Variants in ITGB8 observed in about 807,000 individuals in gnomAD.
ITGB8 encodes the protein integrin beta-8.
ITGB8 carries 30 observed loss-of-function variants against 89.5 expected under a neutral mutation model. The ratio of observed to expected loss-of-function variants is 0.34; its 90% CI spans 0.25 to 0.45. The LOEUF is 0.45. ITGB8 is among the 20% of genes least tolerant of loss of function. ITGB8 has a pLI of 1.00. For missense variants in ITGB8, 836 were observed against 933.3 expected, an observed-to-expected ratio of 0.90 and a Z score of 1.36; for synonymous variants, 335 against 320.4, an observed-to-expected ratio of 1.05 and a Z score of -0.49.
At chr7:20,401,412 T>C (rs1180754392) in intron 9 of ITGB8, among the ~76,000 whole-genome samples, 1 of 152,224 alleles carries the variant, frequency 6.6e-6, no homozygotes, top group Non-Finnish European at 1.5e-5. Context: ...TTCTCATGTT[T>C]GCTAAGAAAT....
rs750312968 is a variant in ITGB8, at chr7:20,381,839, G to A, written c.914G>A (p.Gly305Glu). 6.2e-7 allele frequency: 1 copy of A among 1,613,834 alleles called. No individual in the cohort carries two copies. The highest frequency in any genetic ancestry group is 1.3e-5 in the African/African-American group (1 of 75,022). Reference protein sequence around the residue: ...KLAGIVVPNDGNCHLKNNVYV... With the variant: ...KLAGIVVPNDENCHLKNNVYV... ...GCAGGCATAGTGGTGCCCAATGACG[G>A]AAACTGTCATCTGAAAAACAACGTC... The change falls in exon 6 of 14, where the codon GGA becomes GAA. Residue 305 changes from glycine to glutamate, a missense_variant. Physicochemically the swap from Gly to Glu is moderately conservative, Grantham distance 98. This residue lies in a region of ITGB8 where 192 missense variants were observed against 267.1 expected (regional missense o/e 0.72). Transcript: ENST00000222573.
At chr7:20,344,967 G>T (rs1483771345) in intron 1 of ITGB8, among the ~76,000 whole-genome samples, 1 of 152,150 alleles carries the variant, frequency 6.6e-6, no homozygotes, top group Admixed American at 6.5e-5. Flanking sequence ...AGAGAGACAA[G>T]ACATTTGACA....
intron 3 of ITGB8, among the ~76,000 whole-genome samples, chr7:20,370,672 GC>G (rs1240255539): frequency 6.6e-6 from 1 of 151,514 alleles, no homozygotes; most frequent in Non-Finnish European, 1.5e-5. Context: ...ATACAGTGGT[GC>G]GATCTCAGCT....
chr7:20,387,486 A>G (rs1786673711), intron 6 of ITGB8, among the ~76,000 whole-genome samples: 1 of 152,252 alleles, frequency 6.6e-6, no homozygotes, highest in Non-Finnish European at 1.5e-5. Context: ...CCAGTGTCAC[A>G]TAGCTAGTAG....
intron 1 of ITGB8, 137 bp downstream of exon 1, chr7:20,332,070 G>C: frequency 5.5e-6 from 8 of 1,453,132 alleles, no homozygotes; most frequent in Non-Finnish European, 7.3e-6. Context: ...GTGCGGGGCA[G>C]CGTCCTCCAG....
At chr7:20,381,540 T>C in intron 5 of ITGB8, 187 bp from the exon 6 acceptor site, 2 of 506,528 alleles carry the variant, frequency 3.9e-6, no homozygotes, top group Non-Finnish European at 6.9e-6. Context: ...TGTGGTCACA[T>C]GGCTGTGGGA....
chr7:20,352,184 C>T lies in ITGB8; in HGVS notation c.128-11453C>T, dbSNP rs572758481. On this transcript the variant is annotated intron_variant, in intron 1 of 13. Coordinates refer to ENST00000222573, the MANE Select transcript of ITGB8 (RefSeq NM_002214.3). The stretch of plus-strand genomic sequence containing the variant: ...GCCACTGAGGGGCCTTGGGGGCCCT[C>T]CTTGAATCTGGATACTTTGATCCCT... 4.0e-4 allele frequency: 61 copies of T among 152,304 alleles called. 1 individual carries two copies. The highest frequency in any genetic ancestry group is 7.4e-4 in the Non-Finnish European group (50 of 68,012). 9.4% of individuals were successfully genotyped at this position (152,304 alleles called of 1,614,324 possible).
chr7:20,401,753 A>C lies in ITGB8; in HGVS notation c.1314A>C (p.Lys438Asn), dbSNP rs1787319355. The C allele has an allele frequency of 6.3e-7, 1 of 1,576,066 alleles. No homozygotes were observed. Among genetic ancestry groups the C allele is most frequent in the Non-Finnish European group, 8.6e-7 (1 of 1,166,798 alleles). The change falls in exon 10 of 14, where the codon AAA becomes AAC. Residue 438 changes from lysine (K) to asparagine (N), a missense_variant. Physicochemically the swap from Lys to Asn is moderately conservative, Grantham distance 94 (BLOSUM62 0). This residue lies in a region of ITGB8 where 422 missense variants were observed against 416.9 expected (regional missense o/e 1.01). Transcript: ENST00000222573. The part of the protein sequence containing the change: ...VLFNVTVTMK[K>N]CDVTGGKNYA... Reference sequence around the variant, plus strand: ...TCAATGTAACAGTTACAATGAAAAAATGTGATGTCACAGGAGGAAAAAACT... The same window carrying C: ...TCAATGTAACAGTTACAATGAAAAACTGTGATGTCACAGGAGGAAAAAACT...
intron 5 of ITGB8, 109 bp from the exon 6 acceptor site, chr7:20,381,618 C>G (rs1259349327): frequency 2.6e-6 from 2 of 782,060 alleles, no homozygotes; most frequent in Non-Finnish European, 4.2e-6. Context: ...GCACATCGTT[C>G]TAGCCTGACT....
chr7:20,388,589 G>A (rs1191835403), intron 6 of ITGB8, among the ~76,000 whole-genome samples: 1 of 151,818 alleles, frequency 6.6e-6, no homozygotes, highest in Non-Finnish European at 1.5e-5. Context: ...TCTCTCTAGG[G>A]CTCAAAAAAT....
intron 1 of ITGB8, among the ~76,000 whole-genome samples, chr7:20,349,613 A>G (rs1285983730): frequency 6.6e-6 from 1 of 152,184 alleles, no homozygotes; most frequent in Admixed American, 6.5e-5. Flanking sequence ...ATATAAAAGG[A>G]TATGTAAATC....
intron 8 of ITGB8, among the ~76,000 whole-genome samples, chr7:20,398,414 G>A (rs1787175365): frequency 6.6e-6 from 1 of 152,132 alleles, no homozygotes; most frequent in Non-Finnish European, 1.5e-5. Context: ...TCAATTGTTT[G>A]AAACAAAAAT....
At chr7:20,366,268 G>T (rs1277297493) in intron 2 of ITGB8, 1 of 152,134 alleles carries the variant, frequency 6.6e-6, no homozygotes, top group East Asian at 1.9e-4. Context: ...CAGAGCGTAG[G>T]CTCGGAGCAT....
intron 1 of ITGB8, 56 bp downstream of exon 1, chr7:20,331,989 C>T (rs1241569556): frequency 3.8e-6 from 6 of 1,582,348 alleles, no homozygotes; most frequent in East Asian, 2.3e-5. Context: ...CTTGGGCTGG[C>T]ACGAAGAGCT....
At position 20,345,306 on chromosome 7, in the gene ITGB8, C is replaced by T. The variant is rs531690564; in HGVS notation, c.127+13373C>T. 1.6e-4 allele frequency among the ~76,000 whole-genome samples: 25 copies of T among 151,964 alleles called. 1 individual carries two copies. In the South Asian group the frequency reaches 5.2e-3, roughly 32 times the overall value. On this transcript the variant is annotated intron_variant, in intron 1 of 13. Transcript: ENST00000222573. ...TTTTCAACAAGTGTGTGGAAAGTACCATTCAAAGTATGAAAACATTAGGAA... is the reference window on the plus strand; with the variant it reads ...TTTTCAACAAGTGTGTGGAAAGTACTATTCAAAGTATGAAAACATTAGGAA...
chr7:20,331,533 G>T lies in ITGB8; in HGVS notation c.-274G>T. 2.3e-6 allele frequency: 1 copy of T among 441,080 alleles called. No homozygotes were observed. The highest frequency in any genetic ancestry group is 3.9e-6 in the Non-Finnish European group (1 of 254,458). The allele number at this position is 441,080 out of a possible 1,614,324, so 27.3% of individuals were successfully genotyped here. A position where few individuals can be genotyped will look rare whatever the true frequency, so the allele number is the denominator to read the frequency against. On this transcript the variant is annotated 5_prime_UTR_variant, in exon 1 of 14. Transcript: ENST00000222573. ...TTGCAGAGCCCTCTCTCCAGTCGCC[G>T]CCGGGGCCCTTGGCCGTCGAAGGAG... is the stretch of plus-strand genomic sequence containing the variant.
rs758221144 is a variant in ITGB8 at position 20,409,835 on chromosome 7, T to A, written c.2188-40T>A. On this transcript the variant is annotated intron_variant, in intron 13 of 13. Transcript: ENST00000222573. ...GTATGTTATTGCCTAGTTACAATAT[T>A]TAGGCCCTTAGTTAATAATAATATT... is the stretch of plus-strand genomic sequence containing the variant. 3.1e-5 allele frequency: 50 copies of A among 1,608,236 alleles called. No homozygotes were observed. The South Asian group carries it at 5.4e-4, about 17-fold the overall frequency.
rs1477220409 is a variant in ITGB8, at chr7:20,410,536, A to G, written c.*539A>G. 1 of 152,482 alleles carries G rather than the reference A, an allele frequency of 6.6e-6. No homozygotes were observed. The highest frequency in any genetic ancestry group is 1.5e-5 in the Non-Finnish European group (1 of 68,250). 9.4% of individuals were successfully genotyped at this position (152,482 alleles called of 1,614,324 possible). A position where few individuals can be genotyped will look rare whatever the true frequency, so the allele number is the denominator to read the frequency against. On this transcript the variant is annotated 3_prime_UTR_variant, in exon 14 of 14. Transcript: ENST00000222573. Reference sequence around the variant, plus strand: ...CTCTTTCAAGAGGTGAACAGATACAACCTTAATCTTAAAAGATTATTGCTT... The same window carrying G: ...CTCTTTCAAGAGGTGAACAGATACAGCCTTAATCTTAAAAGATTATTGCTT...
At chr7:20,390,587 T>C (rs1238767546) in intron 6 of ITGB8, among the ~76,000 whole-genome samples, 2 of 152,076 alleles carry the variant, frequency 1.3e-5, no homozygotes, top group African/African-American at 2.4e-5. Flanking sequence ...AGGTATAAAA[T>C]ATATCATACA....
Sources: gnomAD v4.1 joint callset for allele counts (sites outside exome capture counted in the v4.1 genomes callset) on GRCh38, gnomAD v4.1.1 for gene constraint, gnomAD v4.1.1 regional missense constraint, MANE v1.5 for transcripts, NCBI Gene and HGNC (gene_info 2026-07-23, HGNC 2026-07-21) for gene names.